Variants in TNN observed in about 807,000 individuals in gnomAD.
TNN encodes the protein tenascin N.
TNN carries 122 observed loss-of-function variants against 134.4 expected under a neutral mutation model. That is an observed-to-expected ratio of 0.91 (90% CI 0.78 to 1.06). The LOEUF is 1.06. TNN is among the 50% of genes least tolerant of loss of function. TNN has a pLI of 0.00. For synonymous variants in TNN, 710 were observed against 670.3 expected, an observed-to-expected ratio of 1.06 and a Z score of -0.91; for missense variants, 1,739 against 1,699.4, an observed-to-expected ratio of 1.02 and a Z score of -0.41.
chr1:175,113,324 G>C (rs990820707), intron 9 of TNN, among the ~76,000 whole-genome samples: 1 of 152,188 alleles, frequency 6.6e-6, no homozygotes, highest in South Asian at 2.1e-4. Context: ...CTTGCTGGGT[G>C]TGGTATTCTC....
At chr1:175,112,563 G>A (rs1166075140) in intron 9 of TNN, among the ~76,000 whole-genome samples, 1 of 116,660 alleles carries the variant, frequency 8.6e-6, no homozygotes, top group Admixed American at 1.0e-4. Context: ...CACATAAGTG[G>A]GTCATTTTTT....
rs769243729 is a variant in TNN, at chr1:175,098,579, C to T, written c.2103C>T (p.Asp701=). The T allele has an allele frequency of 7.4e-6, 12 of 1,614,082 alleles. No individual in the cohort carries two copies. Among genetic ancestry groups the T allele is most frequent in the Non-Finnish European group, 9.3e-6 (11 of 1,179,968 alleles). Residue 701 remains aspartate, a synonymous_variant, in exon 9 of 19, where the codon GAC becomes GAT. Coordinates refer to ENST00000239462, the MANE Select transcript of TNN (RefSeq NM_022093.2). Reference sequence around the variant, plus strand: ...GGGACCAGGAGAGCAAGAAGGCCGACACCAAGGCCCAGACAGGTAAGGAGT... The same window carrying T: ...GGGACCAGGAGAGCAAGAAGGCCGATACCAAGGCCCAGACAGGTAAGGAGT... The part of the protein sequence containing the change: ...QKGDQESKKA[D]TKAQTDIDSP...
In TNN at chr1:175,080,265, A is replaced by AC; in HGVS notation, c.892dup (p.Leu298ProfsTer20). Reference sequence around the variant, plus strand: ...GTGGATCACTACCTCCTCAGCTACTACCCCCTGGGGAAGGAGCTCTCTGGG... The same window carrying AC: ...GTGGATCACTACCTCCTCAGCTACTACCCCCCTGGGGAAGGAGCTCTCTGGG... On this transcript the variant is annotated frameshift_variant, in exon 4 of 19. Coordinates refer to ENST00000239462, the MANE Select transcript of TNN (RefSeq NM_022093.2). LOFTEE classifies it high-confidence loss of function. 2 of 1,613,858 alleles carry AC rather than the reference A, an allele frequency of 1.2e-6. No individual in the cohort carries two copies. The highest frequency in any genetic ancestry group is 1.7e-6 in the Non-Finnish European group (2 of 1,179,934).
At chr1:175,084,247 T>C (rs926264308) in intron 5 of TNN, among the ~76,000 whole-genome samples, 1 of 152,162 alleles carries the variant, frequency 6.6e-6, no homozygotes, top group Non-Finnish European at 1.5e-5. Context: ...TGATGGTGTA[T>C]AGATATTCCT....
chr1:175,089,181 AAT>A (rs1423536516), intron 6 of TNN, among the ~76,000 whole-genome samples: 1 of 152,214 alleles, frequency 6.6e-6, no homozygotes, highest in Non-Finnish European at 1.5e-5. Flanking sequence ...GGAAAAGAAG[AAT>A]CTCTGTTTTC....
rs766246631 is a variant in TNN, at chr1:175,077,652, C to T, written c.234C>T (p.Ala78=). The change falls in exon 2 of 19, where the codon GCC becomes GCT. Residue 78 remains alanine (A), a synonymous_variant. Transcript: ENST00000239462. ...CTTCGCTCTTGGCCCTGGGGGAGGC[C>T]AGGGAGGAACAGAACATCATCTTCA... The part of the protein sequence containing the change: ...DGASLLALGE[A]REEQNIIFRH... 9.9e-6 allele frequency: 16 copies of T among 1,614,024 alleles called. No homozygotes were observed. In the South Asian group the frequency reaches 1.2e-4, roughly 12 times the overall value.
chr1:175,129,759 G>A (rs1675629610), intron 15 of TNN, among the ~76,000 whole-genome samples: 1 of 152,056 alleles, frequency 6.6e-6, no homozygotes, highest in Non-Finnish European at 1.5e-5. Flanking sequence ...CTAATCATTG[G>A]TCTTCTCAGT....
rs1310858648 is a variant in TNN at position 175,147,017 on chromosome 1, G to T, written c.3846G>T (p.Glu1282Asp). 2.5e-6 allele frequency: 4 copies of T among 1,606,250 alleles called. No homozygotes were observed. Among genetic ancestry groups the T allele is most frequent in the Non-Finnish European group, 3.4e-6 (4 of 1,175,446 alleles). Residue 1282 changes from glutamate (E) to aspartate (D), a missense_variant, in exon 19 of 19, where the codon GAG (glutamate) becomes GAT (aspartate). Glu to Asp is a conservative substitution (Grantham distance 45, BLOSUM62 2). Transcript: ENST00000239462. ...TCCGCCCTCATGGCTACAGCAGGGA[G>T]CCTGTCCTGGGCAGAAAGAAGCGGA... ...LKIRPHGYSR[E>D]PVLGRKKRTL...
rs1312870976 is a variant in TNN, at chr1:175,094,085, G to A, written c.1420G>A (p.Val474Ile). Residue 474 changes from valine to isoleucine, a missense_variant, in exon 7 of 19, where the codon GTA becomes ATA. Physicochemically the swap from Val to Ile is conservative, Grantham distance 29. Coordinates refer to ENST00000239462, the MANE Select transcript of TNN (RefSeq NM_022093.2). ...AGTGCAGGCTGTCATAGACAAGTAT[G>A]TAGTGCGCTACACTTCTGCTGATGG... ...DPVQAVIDKYVVRYTSADGDT... is the reference protein window; with the variant it reads ...DPVQAVIDKYIVRYTSADGDT... The A allele has an allele frequency of 1.2e-6, 2 of 1,614,100 alleles. No individual in the cohort carries two copies. Among genetic ancestry groups the A allele is most frequent in the Admixed American group, 1.7e-5 (1 of 60,010 alleles).
In TNN at chr1:175,106,689, C is replaced by T. The variant is rs565669086; in HGVS notation, c.2119+8094C>T. Among the ~76,000 whole-genome samples the T allele has an allele frequency of 2.3e-4, 34 of 146,296 alleles. 2 individuals carry two copies. Among genetic ancestry groups the T allele is most frequent in the African/African-American group, 8.4e-4 (34 of 40,676 alleles). ...GATAGATAGGCGAGTGTCGCTTGGG[C>T]GACATGCTTTTGAGAGTTCCACTCA... On this transcript the variant is annotated intron_variant, in intron 9 of 18. Coordinates refer to ENST00000239462, the MANE Select transcript of TNN (RefSeq NM_022093.2).
chr1:175,144,307 A>T (rs2101856603), intron 17 of TNN, 80 bp from the exon 18 acceptor site: 1 of 1,385,424 alleles, frequency 7.2e-7, no homozygotes, highest in Admixed American at 1.9e-5. Flanking sequence ...ATGCCTAGAG[A>T]TCTTCCTGCT....
chr1:175,082,158 C>G (rs1364792454), intron 4 of TNN, among the ~76,000 whole-genome samples: 1 of 152,122 alleles, frequency 6.6e-6, no homozygotes, highest in Non-Finnish European at 1.5e-5. Context: ...TCTCTTTTTC[C>G]CCATTTTGTC....
chr1:175,139,449 C>A (rs1359970593), intron 17 of TNN, among the ~76,000 whole-genome samples: 1 of 152,036 alleles, frequency 6.6e-6, no homozygotes, highest in Non-Finnish European at 1.5e-5. Context: ...TTAGCCTAGG[C>A]CTGCACAGGG....
chr1:175,098,947 C>A (rs1285024015), intron 9 of TNN, among the ~76,000 whole-genome samples: 3 of 152,120 alleles, frequency 2.0e-5, no homozygotes, highest in Non-Finnish European at 2.9e-5. Flanking sequence ...TGTGATCAAT[C>A]CCTTAAAAAA....
intron 9 of TNN, among the ~76,000 whole-genome samples, chr1:175,106,854 T>C (rs1168126543): frequency 1.4e-5 from 2 of 144,018 alleles, no homozygotes; most frequent in East Asian, 4.7e-4. Context: ...CTCCAAAGAG[T>C]TGGGGGTTGT....
At chr1:175,079,196 C>G (rs1282772289) in intron 2 of TNN, 137 bp from the exon 3 acceptor site, 1 of 1,089,660 alleles carries the variant, frequency 9.2e-7, no homozygotes, top group Admixed American at 3.4e-5. Context: ...AAAAAATAGC[C>G]GTGCAAGACC....
intron 6 of TNN, among the ~76,000 whole-genome samples, chr1:175,093,258 G>A (rs1228744816): frequency 6.6e-6 from 1 of 152,182 alleles, no homozygotes; most frequent in East Asian, 1.9e-4. Context: ...GGTTAGCAGG[G>A]ACATGTGTCA....
intron 15 of TNN, among the ~76,000 whole-genome samples, chr1:175,133,594 G>A (rs971392776): frequency 1.3e-5 from 2 of 151,816 alleles, no homozygotes; most frequent in African/African-American, 4.8e-5. Context: ...TAATGGATTC[G>A]TCCTTCTTCA....
intron 12 of TNN, among the ~76,000 whole-genome samples, chr1:175,124,159 A>G (rs1057334359): frequency 6.6e-6 from 1 of 152,194 alleles, no homozygotes; most frequent in Non-Finnish European, 1.5e-5. Context: ...GGAAGAGAGC[A>G]CTGTGCCCAC....
Sources: allele counts gnomAD v4.1 joint callset (sites outside exome capture counted in the v4.1 genomes callset), GRCh38; gene constraint gnomAD v4.1.1; transcripts MANE v1.5; gene names NCBI Gene and HGNC (gene_info 2026-07-23, HGNC 2026-07-21).